The following CLDN14 variants were observed in gnomAD, a reference collection of about 807,000 sequenced individuals.
The protein encoded by CLDN14 is claudin-14.
A neutral mutation model predicts 2.1 loss-of-function variants in CLDN14; 2 were observed. That is an observed-to-expected ratio of 0.96 (90% CI 0.39 to 3.01). CLDN14 has a LOEUF of 3.01. Ranked by LOEUF, CLDN14 falls within the 30% of genes most tolerant of loss-of-function variation. CLDN14 has a pLI of 0.09. For missense variants in CLDN14, 298 were observed against 328.0 expected, an observed-to-expected ratio of 0.91 and a Z score of 0.71; for synonymous variants, 136 against 154.4, an observed-to-expected ratio of 0.88 and a Z score of 0.88.
chr21:36,496,652 G>C (rs1354363163), intron 2 of CLDN14, among the ~76,000 whole-genome samples: 3 of 135,720 alleles, frequency 2.2e-5, no homozygotes, highest in Non-Finnish European at 4.6e-5. Context: ...TACCCGCCCA[G>C]CCAATGGAGA....
chr21:36,509,038 T>G (rs2087159395), intron 2 of CLDN14, among the ~76,000 whole-genome samples: 1 of 152,200 alleles, frequency 6.6e-6, no homozygotes, highest in African/African-American at 2.4e-5. Context: ...TTATTTAGAG[T>G]ACTCAGCCTT....
At chr21:36,573,609 C>G (rs1052550768) in intron 1 of CLDN14, among the ~76,000 whole-genome samples, 2 of 152,112 alleles carry the variant, frequency 1.3e-5, no homozygotes, top group Non-Finnish European at 2.9e-5. Flanking sequence ...TACAACACTT[C>G]AGTTTCTTAA....
At chr21:36,508,840 G>A (rs1568863767) in intron 2 of CLDN14, among the ~76,000 whole-genome samples, 1 of 152,172 alleles carries the variant, frequency 6.6e-6, no homozygotes, top group African/African-American at 2.4e-5. Flanking sequence ...CTGGAGTAAG[G>A]GGTTATGCCT....
chr21:36,501,659 CCT>C lies in CLDN14; in HGVS notation c.-82+8702_-82+8703del, dbSNP rs973794124. Among the ~76,000 whole-genome samples the C allele has an allele frequency of 3.9e-5, 6 of 152,070 alleles. No homozygotes were observed. The East Asian group carries it at 9.6e-4, about 24-fold the overall frequency. ...TGCTGCTTTGACAGGTACGCCACCC[CCT>C]GTCTCCAAACTCACACGTTCAACCC... On this transcript the variant is annotated intron_variant, in intron 2 of 2. Coordinates refer to the CLDN14 transcript ENST00000342108.
intron 1 of CLDN14, among the ~76,000 whole-genome samples, chr21:36,531,692 GT>G (rs11318014): frequency 0.03 from 3,915 of 128,440 alleles, 131 homozygotes; most frequent in African/African-American, 0.089. Context: ...GTCTTTGTCT[GT>G]TTTTTTTTTT....
upstream of CLDN14, chr21:36,481,088 CA>C (rs1568851046): frequency 6.6e-6 from 1 of 152,154 alleles, no homozygotes; most frequent in East Asian, 1.9e-4. Context: ...CAGTCACAAA[CA>C]AAAACAACTT....
chr21:36,477,440 G>A (rs748396698), intron 1 of CLDN14: 1 of 152,200 alleles, frequency 6.6e-6, no homozygotes, highest in Non-Finnish European at 1.5e-5. Flanking sequence ...TAAAAACAAA[G>A]CTCTTGCTGG....
chr21:36,485,891 T>G, intron 2 of CLDN14: 3 of 662,028 alleles, frequency 4.5e-6, no homozygotes, highest in Non-Finnish European at 7.4e-6. Flanking sequence ...TTATTTAGGC[T>G]GTAATGGTTA....
chr21:36,570,133 T>TA (rs1285830228), intron 1 of CLDN14, among the ~76,000 whole-genome samples: 1 of 152,220 alleles, frequency 6.6e-6, no homozygotes, highest in African/African-American at 2.4e-5. Context: ...TAGGTAGATT[T>TA]AAAAATTTCC....
At chr21:36,566,736 C>T (rs2087675608) in intron 1 of CLDN14, among the ~76,000 whole-genome samples, 1 of 152,178 alleles carries the variant, frequency 6.6e-6, no homozygotes, top group East Asian at 1.9e-4. Flanking sequence ...AACAGAGAAC[C>T]AAATCTCCAA....
rs971882311 is a variant in CLDN14, at chr21:36,499,182, C to T, written c.-82+11181G>A. On this transcript the variant is annotated intron_variant, in intron 2 of 2. Coordinates refer to the CLDN14 transcript ENST00000342108. This position sits in a 1 kb window ranked among gnomAD's most constrained non-coding sequence, Gnocchi z 4.7. ...ACATCGGTTTTGTGGGGGCAATGAA[C>T]CCCGCAACTGCGGGAAACTGACCTT... 5.3e-5 allele frequency among the ~76,000 whole-genome samples: 8 copies of T among 152,206 alleles called. No homozygotes were observed. The highest frequency in any genetic ancestry group is 1.9e-4 in the African/African-American group (8 of 41,452).
rs140196815 is a variant in CLDN14, at chr21:36,461,175, G to A, written c.521C>T (p.Ser174Leu). Reference protein sequence around the residue: ...LYLGFISSSLSLIGGTLLCLS... With the variant: ...LYLGFISSSLLLIGGTLLCLS... The stretch of plus-strand genomic sequence containing the variant: ...GCAAAGCAGGGTGCCACCAATGAGC[G>A]AGAGGGACGAGGAGATGAAGCCCAG... Residue 174 changes from serine (S) to leucine (L), a missense_variant, in exon 2 of 2, where the codon TCG becomes TTG. By Grantham distance (145) the Ser-to-Leu change is moderately radical. Coordinates refer to ENST00000399135, the MANE Select transcript of CLDN14 (RefSeq NM_001146079.2). 114 of 1,613,836 alleles carry A rather than the reference G, an allele frequency of 7.1e-5. No individual in the cohort carries two copies. The highest frequency in any genetic ancestry group is 9.0e-5 in the Non-Finnish European group (106 of 1,179,824).
At chr21:36,556,311 AC>A (rs1025799836) in intron 1 of CLDN14, among the ~76,000 whole-genome samples, 34 of 152,178 alleles carry the variant, frequency 2.2e-4, no homozygotes, top group Admixed American at 2.6e-4. Context: ...GCCAGAGGTG[AC>A]CTAAGTCAGA....
At chr21:36,477,242 T>C (rs2086790141) in intron 1 of CLDN14, 1 of 152,260 alleles carries the variant, frequency 6.6e-6, no homozygotes, top group Admixed American at 6.5e-5. Context: ...GCTATGGACA[T>C]GCTGGGAACT....
At chr21:36,509,028 T>A (rs2087159321) in intron 2 of CLDN14, among the ~76,000 whole-genome samples, 1 of 152,190 alleles carries the variant, frequency 6.6e-6, no homozygotes, top group East Asian at 1.9e-4. Context: ...TTTCCTTTAT[T>A]TATTTAGAGT....
intron 1 of CLDN14, among the ~76,000 whole-genome samples, chr21:36,538,964 C>T (rs1023428220): frequency 6.6e-6 from 1 of 152,220 alleles, no homozygotes; most frequent in Non-Finnish European, 1.5e-5. Context: ...CACCCACACA[C>T]AGAGCTTGCT....
At chr21:36,476,539 G>A (rs917379407) in intron 1 of CLDN14, among the ~76,000 whole-genome samples, 21 of 150,936 alleles carry the variant, frequency 1.4e-4, no homozygotes, top group Non-Finnish European at 2.5e-4. Flanking sequence ...TGCAACCTCC[G>A]CCTCCCAGGT....
At chr21:36,511,486 AC>A (rs1175937361) in intron 1 of CLDN14, among the ~76,000 whole-genome samples, 1 of 152,198 alleles carries the variant, frequency 6.6e-6, no homozygotes, top group East Asian at 1.9e-4. Flanking sequence ...AAATGATTGA[AC>A]AAAAAGTTTC....
chr21:36,518,685 C>T (rs1307160588), intron 1 of CLDN14, among the ~76,000 whole-genome samples: 3 of 151,140 alleles, frequency 2.0e-5, no homozygotes, highest in African/African-American at 4.9e-5. Context: ...TTTAATTGAA[C>T]AAATGTGTAT....
Sources: allele counts gnomAD v4.1 joint callset (sites outside exome capture counted in the v4.1 genomes callset), GRCh38; gene constraint gnomAD v4.1.1; non-coding constraint Gnocchi (gnomAD v3.1); transcripts MANE v1.5; gene names NCBI Gene and HGNC (gene_info 2026-07-23, HGNC 2026-07-21).